Variants in RBL1 observed in about 807,000 individuals in gnomAD.
RBL1 encodes RB transcriptional corepressor like 1, also known as retinoblastoma-like protein 1.
A neutral mutation model predicts 123.0 loss-of-function variants in RBL1; 82 were observed. The ratio of observed to expected loss-of-function variants is 0.67; its 90% CI spans 0.56 to 0.80. The LOEUF (loss-of-function observed/expected upper bound fraction) is 0.80, where lower values mean the gene tolerates loss of function less well. Among genes scored for constraint, RBL1 ranks in the 30% least tolerant of loss-of-function variants. RBL1 has a pLI of 0.00. For synonymous variants in RBL1, 405 were observed against 441.3 expected (o/e 0.92, Z 1.03); for missense variants, 1,171 against 1,299.6 (o/e 0.90, Z 1.52).
chr20:37,042,904 C>CG (rs769834680), intron 13 of RBL1, among the ~76,000 whole-genome samples: 1 of 77,716 alleles, frequency 1.3e-5, no homozygotes, highest in African/African-American at 6.6e-5. Context: ...GTCCCCCCCC[C>CG]TCCAAAAAAA....
At chr20:37,003,978 A>T (rs1392551082) in intron 20 of RBL1, 112 bp from the exon 21 acceptor site, 8 of 940,692 alleles carry the variant, frequency 8.5e-6, no homozygotes, top group Non-Finnish European at 1.0e-5. Flanking sequence ...TACTGTAAAA[A>T]GCTCATTTAT....
intron 9 of RBL1, 93 bp from the exon 10 acceptor site, chr20:37,056,351 CTTTTT>C (rs199931898): frequency 1.0e-3 from 976 of 968,884 alleles, no homozygotes; most frequent in East Asian, 3.9e-3. Context: ...CCTTCTTCTT[CTTTTT>C]TTTTTTTTTT....
chr20:37,033,369 G>C (rs2064546527), intron 15 of RBL1, among the ~76,000 whole-genome samples: 1 of 150,736 alleles, frequency 6.6e-6, no homozygotes, highest in African/African-American at 2.4e-5. Context: ...ATTTTTAGTA[G>C]ACACAGGGTT....
Position 37,012,014 on chromosome 20 carries a change from T to G in RBL1, c.2723-4455A>C, listed in dbSNP as rs909574620. On this transcript the variant is annotated intron_variant, in intron 19 of 21. Transcript: ENST00000373664. ...AGTGCCTGCGATTGCAGGCGCGCGC[T>G]GTCACGCCTGACTGGTTTTCGTATT... 7.2e-5 allele frequency among the ~76,000 whole-genome samples: 11 copies of G among 152,230 alleles called. 1 individual carries two copies. Among genetic ancestry groups the G allele is most frequent in the African/African-American group, 2.7e-4 (11 of 41,470 alleles).
rs150960998 is a variant in RBL1, at chr20:37,035,456, G to A, written c.1956C>T (p.Thr652=). The stretch of plus-strand genomic sequence containing the variant: ...AGAGTCTTCTCTTAGCACTCCCTGC[G>A]GTAGGAGAACTGTAGCGTTCATGGA... The part of the protein sequence containing the change: ...ISVHERYSSP[T]AGSAKRRLFG... Residue 652 remains threonine (T), a synonymous_variant, in exon 15 of 22, where the codon ACC becomes ACT. Transcript: ENST00000373664. 1.3e-4 allele frequency: 217 copies of A among 1,613,072 alleles called. No individual in the cohort carries two copies. The highest frequency in any genetic ancestry group is 5.2e-5 in the Non-Finnish European group (61 of 1,179,456).
chr20:37,071,932 G>A (rs1478295463), intron 2 of RBL1, among the ~76,000 whole-genome samples: 6 of 152,072 alleles, frequency 3.9e-5, no homozygotes, highest in African/African-American at 1.4e-4. Context: ...CTTCCTATAC[G>A]GCCTGCAGAA....
intron 9 of RBL1, among the ~76,000 whole-genome samples, 181 bp from the exon 10 acceptor site, chr20:37,056,439 C>T (rs1234252455): frequency 6.8e-6 from 1 of 147,798 alleles, no homozygotes. Context: ...ACTGCAACCT[C>T]TTCCTCCAGG....
chr20:37,095,731 T>C (rs1157061693), intron 1 of RBL1, 42 bp downstream of exon 1: 3 of 1,518,412 alleles, frequency 2.0e-6, no homozygotes, highest in Non-Finnish European at 2.7e-6. Flanking sequence ...GGGTGGGGCC[T>C]GGCGAGGGTA....
At chr20:37,058,605 A>G (rs762606416) in intron 9 of RBL1, among the ~76,000 whole-genome samples, 4 of 151,728 alleles carry the variant, frequency 2.6e-5, no homozygotes, top group Non-Finnish European at 4.4e-5. Context: ...AGGTGTCGCT[A>G]TGTTGCCCGG....
At chr20:37,026,253 A>G (rs1197458438) in intron 16 of RBL1, among the ~76,000 whole-genome samples, 1 of 152,202 alleles carries the variant, frequency 6.6e-6, no homozygotes, top group African/African-American at 2.4e-5. Flanking sequence ...TAAAAATGTA[A>G]AAAATAATCC....
Position 37,061,278 on chromosome 20 carries a change from A to G in RBL1, c.1084-9T>C. 6.2e-7 allele frequency: 1 copy of G among 1,606,308 alleles called. No homozygotes were observed. Among genetic ancestry groups the G allele is most frequent in the East Asian group, 2.2e-5 (1 of 44,760 alleles). ...GGTGCAAATGACCTTTTCTGTCAGA[A>G]AAGAAAAATCCGTGAGTTTTTAAAA... On this transcript the variant is annotated splice_polypyrimidine_tract_variant and intron_variant, in intron 8 of 21. Transcript: ENST00000373664.
At chr20:37,095,451 C>T (rs1376890723) in intron 1 of RBL1, among the ~76,000 whole-genome samples, 8 of 152,156 alleles carry the variant, frequency 5.3e-5, no homozygotes, top group African/African-American at 1.7e-4. Context: ...TTCACTTTAC[C>T]ATTATATTTG....
At chr20:37,008,835 G>T (rs565104038) in intron 19 of RBL1, among the ~76,000 whole-genome samples, 41 of 152,058 alleles carry the variant, frequency 2.7e-4, no homozygotes, top group Non-Finnish European at 4.7e-4. Context: ...ATCTTGACGA[G>T]GGTGGGAGGG....
intron 19 of RBL1, among the ~76,000 whole-genome samples, chr20:37,010,308 C>G (rs995328066): frequency 2.6e-5 from 4 of 152,046 alleles, no homozygotes; most frequent in African/African-American, 9.7e-5. Context: ...AAAAGCCATA[C>G]TCATTAATAC....
At chr20:37,091,015 A>G (rs2065637168) in intron 1 of RBL1, among the ~76,000 whole-genome samples, 1 of 152,178 alleles carries the variant, frequency 6.6e-6, no homozygotes, top group South Asian at 2.1e-4. Flanking sequence ...AGCTAGAATC[A>G]CTTCATGACT....
At chr20:37,016,510 A>T (rs2064256323) in intron 19 of RBL1, among the ~76,000 whole-genome samples, 2 of 152,236 alleles carry the variant, frequency 1.3e-5, no homozygotes, top group Non-Finnish European at 2.9e-5. Flanking sequence ...CATAATGATT[A>T]TGGATATTTT....
At chr20:37,073,433 C>T (rs915762156) in intron 2 of RBL1, among the ~76,000 whole-genome samples, 1 of 152,002 alleles carries the variant, frequency 6.6e-6, no homozygotes, top group Non-Finnish European at 1.5e-5. Flanking sequence ...TGTGGTGGCT[C>T]ATATCTGTAA....
At chr20:37,088,324 A>G (rs1028920037) in intron 2 of RBL1, among the ~76,000 whole-genome samples, 2 of 152,092 alleles carry the variant, frequency 1.3e-5, no homozygotes. Context: ...AGAAAAATCA[A>G]ATGAGAAAGC....
intron 21 of RBL1, among the ~76,000 whole-genome samples, chr20:37,001,918 T>TAAAAACAA (rs2063988014): frequency 1.2e-5 from 1 of 86,544 alleles, no homozygotes; most frequent in African/African-American, 4.4e-5. Flanking sequence ...TGCAGAACAA[T>TAAAAACAA]AAAAAAAAAA....
Sources: allele counts gnomAD v4.1 joint callset (sites outside exome capture counted in the v4.1 genomes callset), GRCh38; gene constraint gnomAD v4.1.1; transcripts MANE v1.5; gene names NCBI Gene and HGNC (gene_info 2026-07-23, HGNC 2026-07-21).